RNF11: variants seen among roughly 807,000 people sequenced by gnomAD.
RNF11 encodes ring finger protein 11.
In RNF11, 4 loss-of-function variants were observed where a neutral mutation model predicts 15.8. That is an observed-to-expected ratio of 0.25 (90% CI 0.12 to 0.58). The LOEUF (loss-of-function observed/expected upper bound fraction) is 0.58, where lower values mean the gene tolerates loss of function less well. Ranked by LOEUF, RNF11 falls within the 20% of genes least tolerant of loss-of-function variation. The probability of loss-of-function intolerance (pLI) is 0.91; values close to 1 mark genes in which losing one functional copy is unlikely to be tolerated. For missense variants in RNF11, 139 were observed against 194.4 expected, an observed-to-expected ratio of 0.71 and a Z score of 1.70; for synonymous variants, 68 against 72.3, an observed-to-expected ratio of 0.94 and a Z score of 0.30.
intron 1 of RNF11, among the ~76,000 whole-genome samples, chr1:51,257,848 CTTTTCTTTTTTT>C (rs1374651364): frequency 2.4e-5 from 2 of 84,930 alleles, no homozygotes; most frequent in African/African-American, 4.6e-5. Flanking sequence ...CTTTTCTTTT[CTTTTCTTTTTTT>C]TTTTTTTTTT....
At chr1:51,270,205 T>C (rs555051989) in intron 2 of RNF11, 80 bp downstream of exon 2, 24 of 1,024,798 alleles carry the variant, frequency 2.3e-5, no homozygotes, top group Non-Finnish European at 3.2e-5. Context: ...TCCTGCACTT[T>C]AGAAAGTCAG....
At chr1:51,264,113 G>T (rs1364145845) in intron 1 of RNF11, among the ~76,000 whole-genome samples, 1 of 150,874 alleles carries the variant, frequency 6.6e-6, no homozygotes, top group Non-Finnish European at 1.5e-5. Flanking sequence ...TTTAATTAGC[G>T]GGGCATAGTA....
intron 1 of RNF11, chr1:51,251,486 G>A (rs1366559522): frequency 1.5e-5 from 9 of 602,530 alleles, no homozygotes; most frequent in Middle Eastern, 4.5e-4. Context: ...GTGTTTTCTC[G>A]GAGAAGAAAG....
At chr1:51,252,853 G>A (rs1324266308) in intron 1 of RNF11, among the ~76,000 whole-genome samples, 3 of 151,034 alleles carry the variant, frequency 2.0e-5, no homozygotes, top group Non-Finnish European at 3.0e-5. Context: ...GGGACAGAGA[G>A]TCTTGCTCTG....
chr1:51,252,199 T>C (rs1025336597), intron 1 of RNF11, among the ~76,000 whole-genome samples: 11 of 152,022 alleles, frequency 7.2e-5, no homozygotes, highest in Middle Eastern at 3.2e-3. Flanking sequence ...TTCGTAAGAA[T>C]GCAATATGTT....
Position 51,236,696 on chromosome 1 carries a change from T to C in RNF11, c.-61T>C. The C allele has an allele frequency of 3.1e-6, 5 of 1,592,284 alleles. No homozygotes were observed. The highest frequency in any genetic ancestry group is 4.3e-6 in the Non-Finnish European group (5 of 1,169,184). On this transcript the variant is annotated 5_prime_UTR_variant, in exon 1 of 3. Coordinates refer to ENST00000242719, the MANE Select transcript of RNF11 (RefSeq NM_014372.5). ...TCGCCAACCGAGGCGGACCGCGGAG[T>C]GTGCGAACGACCCCACCGCTGCTTT... is the stretch of plus-strand genomic sequence containing the variant.
chr1:51,267,525 C>T (rs1348791170), intron 1 of RNF11, among the ~76,000 whole-genome samples: 1 of 152,224 alleles, frequency 6.6e-6, no homozygotes, highest in Non-Finnish European at 1.5e-5. Context: ...CTAGTGGAGT[C>T]ACACAGGACA....
chr1:51,251,365 T>C (rs2148068501), intron 1 of RNF11: 1 of 1,498,208 alleles, frequency 6.7e-7, no homozygotes, highest in Non-Finnish European at 9.0e-7. Context: ...CGTCTACGGC[T>C]GCGACCCCGG....
intron 1 of RNF11, among the ~76,000 whole-genome samples, chr1:51,265,737 A>C (rs1569683678): frequency 6.6e-6 from 1 of 152,354 alleles, no homozygotes; most frequent in East Asian, 1.9e-4. Flanking sequence ...CAGAGGAATC[A>C]GGAAGGATGA....
chr1:51,237,884 C>T (rs184277391), intron 1 of RNF11, among the ~76,000 whole-genome samples: 7 of 152,278 alleles, frequency 4.6e-5, no homozygotes, highest in African/African-American at 1.7e-4. Flanking sequence ...TTTGTTGTTT[C>T]ATGTGATGAC....
rs534610884 is a variant in RNF11 at position 51,258,929 on chromosome 1, T to A, written c.124-11027T>A. ...CCACTGGGCCTTTGTATATTTAGCG[T>A]TTGCACCACTCCCCACCCCATTTTC... is the stretch of plus-strand genomic sequence containing the variant. On this transcript the variant is annotated intron_variant, in intron 1 of 2. Transcript: ENST00000242719. Among the ~76,000 whole-genome samples, 23 of 152,328 alleles carry A rather than the reference T, an allele frequency of 1.5e-4. 1 individual carries two copies. The South Asian group carries it at 4.6e-3, about 30-fold the overall frequency.
At chr1:51,267,574 A>G (rs1028079947) in intron 1 of RNF11, among the ~76,000 whole-genome samples, 2 of 152,258 alleles carry the variant, frequency 1.3e-5, no homozygotes, top group African/African-American at 4.8e-5. Flanking sequence ...GTTTTCTGCC[A>G]GAGAAGCTCA....
Position 51,236,573 on chromosome 1 carries a change from C to A in RNF11, c.-184C>A. ...GCGGAGCCCGCGGCCCAGCCTTGAT[C>A]CCCCAACCCCGGGGGCTGGCATGAG... On this transcript the variant is annotated 5_prime_UTR_variant, in exon 1 of 3. Coordinates refer to ENST00000242719, the MANE Select transcript of RNF11 (RefSeq NM_014372.5). 2.0e-6 allele frequency: 1 copy of A among 488,226 alleles called. No homozygotes were observed. The highest frequency in any genetic ancestry group is 3.3e-6 in the Non-Finnish European group (1 of 305,526). The allele number at this position is 488,226 out of a possible 1,614,324, so 30.2% of individuals were successfully genotyped here. A position where few individuals can be genotyped will look rare whatever the true frequency, so the allele number is the denominator to read the frequency against.
At chr1:51,263,195 C>T (rs1646938659) in intron 1 of RNF11, among the ~76,000 whole-genome samples, 1 of 152,098 alleles carries the variant, frequency 6.6e-6, no homozygotes. Flanking sequence ...AAAATGAAAA[C>T]ATGTACAAAA....
intron 1 of RNF11, chr1:51,251,428 C>T (rs1347079251): frequency 1.2e-5 from 13 of 1,107,082 alleles, no homozygotes; most frequent in Admixed American, 6.4e-5. Context: ...TTCCCCATCC[C>T]AGGGCCTCCG....
intron 1 of RNF11, among the ~76,000 whole-genome samples, chr1:51,263,571 G>T (rs1013696613): frequency 2.6e-5 from 4 of 152,064 alleles, no homozygotes; most frequent in Non-Finnish European, 4.4e-5. Flanking sequence ...GGTAATTCTC[G>T]TGCTTTCAGA....
chr1:51,251,712 A>T (rs1045201437), intron 1 of RNF11, among the ~76,000 whole-genome samples: 2 of 152,038 alleles, frequency 1.3e-5, no homozygotes, highest in Non-Finnish European at 2.9e-5. Context: ...CCGAGGCAGG[A>T]GGATCACTTG....
At position 51,236,752 on chromosome 1, in the gene RNF11, G is replaced by A. The variant is rs141818971; in HGVS notation, c.-5G>A. The A allele has an allele frequency of 4.1e-3, 6,681 of 1,613,004 alleles. 21 individuals carry two copies. The highest frequency in any genetic ancestry group is 6.9e-3 in the African/African-American group (516 of 75,004). ...CCCCCAGATCACGCACCCCAGCTCC[G>A]GAAGATGGGGAACTGCCTCAAATCC... is the stretch of plus-strand genomic sequence containing the variant. On this transcript the variant is annotated 5_prime_UTR_variant, in exon 1 of 3. Transcript: ENST00000242719.
At chr1:51,250,291 A>T (rs1023932869) in intron 1 of RNF11, among the ~76,000 whole-genome samples, 2 of 152,196 alleles carry the variant, frequency 1.3e-5, no homozygotes, top group Non-Finnish European at 2.9e-5. Flanking sequence ...ATGATTTGCT[A>T]TTGTGAGAAT....
Sources: allele counts gnomAD v4.1 joint callset (sites outside exome capture counted in the v4.1 genomes callset), GRCh38; gene constraint gnomAD v4.1.1; transcripts MANE v1.5; gene names NCBI Gene and HGNC (gene_info 2026-07-23, HGNC 2026-07-21).